Variants in SPMIP2 observed in about 807,000 individuals in gnomAD.
SPMIP2 encodes sperm microtubule inner protein 2.
chr4:158,901,997 C>G, the SPMIP2 span, among the ~76,000 whole-genome samples: 1 of 152,032 alleles, frequency 6.6e-6, no homozygotes, highest in East Asian at 1.9e-4. Context: ...GTCAATTCAT[C>G]AAACTCAATT....
the SPMIP2 span, among the ~76,000 whole-genome samples, chr4:159,050,840 G>T: frequency 6.6e-6 from 1 of 151,902 alleles, no homozygotes; most frequent in Non-Finnish European, 1.5e-5. Context: ...CAGGCGCCGT[G>T]GTTCACGCCT....
At chr4:159,080,191 T>C in the SPMIP2 span, among the ~76,000 whole-genome samples, 7 of 147,248 alleles carry the variant, frequency 4.8e-5, no homozygotes, top group African/African-American at 1.8e-4. Flanking sequence ...TTCTGATACA[T>C]GCACAACAAA....
chr4:159,009,358 G>T, the SPMIP2 span, among the ~76,000 whole-genome samples: 2 of 152,296 alleles, frequency 1.3e-5, no homozygotes, highest in South Asian at 4.1e-4. Context: ...ATGAGGCTTA[G>T]CAATCTGTCT....
chr4:158,993,002 A>T, the SPMIP2 span, among the ~76,000 whole-genome samples: 1 of 152,194 alleles, frequency 6.6e-6, no homozygotes, highest in Non-Finnish European at 1.5e-5. Flanking sequence ...AAAAGTGCAC[A>T]TGCTTTGCAA....
the SPMIP2 span, among the ~76,000 whole-genome samples, chr4:158,912,426 G>A: frequency 6.6e-6 from 1 of 152,156 alleles, no homozygotes; most frequent in Non-Finnish European, 1.5e-5. Context: ...ATAGGTTTAA[G>A]CTTTTAAAAT....
the SPMIP2 span, among the ~76,000 whole-genome samples, chr4:158,908,675 A>G: frequency 2.6e-5 from 4 of 152,150 alleles, no homozygotes; most frequent in Non-Finnish European, 5.9e-5. Context: ...AAGACTCTGT[A>G]TATAGATGCC....
the SPMIP2 span, among the ~76,000 whole-genome samples, chr4:159,078,374 A>G: frequency 5.9e-5 from 9 of 152,332 alleles, no homozygotes; most frequent in East Asian, 1.7e-3. Flanking sequence ...CTAGTTCTAC[A>G]CCAAGTTTCT....
chr4:159,034,229 ATAT>A, the SPMIP2 span, among the ~76,000 whole-genome samples: 2 of 152,240 alleles, frequency 1.3e-5, no homozygotes, highest in Non-Finnish European at 2.9e-5. Context: ...TATTTTTTAG[ATAT>A]TATTATAATT....
chr4:159,021,056 C>T, the SPMIP2 span, among the ~76,000 whole-genome samples: 7 of 152,364 alleles, frequency 4.6e-5, no homozygotes, highest in East Asian at 5.8e-4. Context: ...CCACCGCACC[C>T]GGCCTCTGCC....
At chr4:159,014,738 C>T in the SPMIP2 span, among the ~76,000 whole-genome samples, 4 of 151,908 alleles carry the variant, frequency 2.6e-5, no homozygotes, top group African/African-American at 4.8e-5. Context: ...AATTTTTTGG[C>T]TTCCCTGGGT....
At chr4:158,921,008 T>C in the SPMIP2 span, among the ~76,000 whole-genome samples, 1 of 152,262 alleles carries the variant, frequency 6.6e-6, no homozygotes, top group South Asian at 2.1e-4. Context: ...CTTCTGTTTA[T>C]ACTCTTTCTC....
the SPMIP2 span, among the ~76,000 whole-genome samples, chr4:158,938,199 C>T: frequency 6.6e-6 from 1 of 152,212 alleles, no homozygotes; most frequent in African/African-American, 2.4e-5. Flanking sequence ...CAAGAGACGT[C>T]ATCCCAAATT....
At chr4:158,903,477 G>A in the SPMIP2 span, among the ~76,000 whole-genome samples, 1 of 152,110 alleles carries the variant, frequency 6.6e-6, no homozygotes, top group African/African-American at 2.4e-5. Flanking sequence ...ACATTTCAAG[G>A]GCTTTACCCC....
chr4:159,034,927 AC>A, the SPMIP2 span: 1 of 827,752 alleles, frequency 1.2e-6, no homozygotes, highest in African/African-American at 1.8e-5. Flanking sequence ...AAAACAAAAA[AC>A]ATATGTGATC....
the SPMIP2 span, chr4:158,904,657 G>A: frequency 1.1e-6 from 1 of 913,238 alleles, no homozygotes; most frequent in South Asian, 1.5e-5. Flanking sequence ...AACAGAAACA[G>A]TCATTCCACC....
At chr4:159,007,885 AAAAAG>A in the SPMIP2 span, 1 of 489,264 alleles carries the variant, frequency 2.0e-6, no homozygotes, top group Non-Finnish European at 4.0e-6. Context: ...GTGTGGGAAA[AAAAAG>A]AATATGGTAA....
At chr4:158,987,884 A>C in the SPMIP2 span, among the ~76,000 whole-genome samples, 1 of 152,136 alleles carries the variant, frequency 6.6e-6, no homozygotes, top group Non-Finnish European at 1.5e-5. Context: ...AAGACAAAAA[A>C]TAACTAAGAT....
At chr4:159,077,778 A>G in the SPMIP2 span, among the ~76,000 whole-genome samples, 1 of 152,228 alleles carries the variant, frequency 6.6e-6, no homozygotes, top group African/African-American at 2.4e-5. Context: ...AGAAACTCTT[A>G]GGTAACAGAG....
At chr4:158,996,693 C>G in the SPMIP2 span, among the ~76,000 whole-genome samples, 1 of 152,206 alleles carries the variant, frequency 6.6e-6, no homozygotes, top group Admixed American at 6.5e-5. Context: ...CTCCTTACCC[C>G]TGGCCAGTTC....
Sources: allele counts gnomAD v4.1 joint callset (sites outside exome capture counted in the v4.1 genomes callset), GRCh38; gene constraint gnomAD v4.1.1; transcripts MANE v1.5; gene names NCBI Gene and HGNC (gene_info 2026-07-23, HGNC 2026-07-21).